SCAMP3: variants seen among roughly 807,000 people sequenced by gnomAD.
SCAMP3 encodes secretory carrier membrane protein 3, also known as secretory carrier-associated membrane protein 3.
A neutral mutation model predicts 44.1 loss-of-function variants in SCAMP3; 30 were observed. That is an observed-to-expected ratio of 0.68 (90% CI 0.51 to 0.92). The LOEUF (loss-of-function observed/expected upper bound fraction) is 0.92, where lower values mean the gene tolerates loss of function less well. SCAMP3 is among the 40% of genes least tolerant of loss of function. The pLI is 0.00. For synonymous variants in SCAMP3, 168 were observed against 171.1 expected (o/e 0.98, Z 0.14); for missense variants, 394 against 440.0 (o/e 0.90, Z 0.93).
intron 1 of SCAMP3, 34 bp from the exon 2 acceptor site, chr1:155,261,768 C>T: frequency 6.3e-7 from 1 of 1,593,318 alleles, no homozygotes; most frequent in Non-Finnish European, 8.6e-7. Flanking sequence ...AGCTGGCACC[C>T]AGTGCCACCT....
chr1:155,261,052 C>A (rs1242120838), intron 2 of SCAMP3, among the ~76,000 whole-genome samples: 2 of 152,020 alleles, frequency 1.3e-5, no homozygotes, highest in African/African-American at 4.8e-5. Flanking sequence ...CCCAGCCTCC[C>A]AAGTAGCAAG....
Position 155,262,186 on chromosome 1 carries a change from C to A in SCAMP3, c.-35G>T. 1 of 1,600,738 alleles carries A rather than the reference C, an allele frequency of 6.2e-7. No homozygotes were observed. The highest frequency in any genetic ancestry group is 8.5e-7 in the Non-Finnish European group (1 of 1,171,844). ...TGCGGCCTCCGCGGCCCTCTGCCCT[C>A]CACGCCCCTGCCGCAGCAGTGGCGG... On this transcript the variant is annotated 5_prime_UTR_variant, in exon 1 of 9. Coordinates refer to ENST00000302631, the MANE Select transcript of SCAMP3 (RefSeq NM_005698.4).
At chr1:155,261,858 A>C in intron 1 of SCAMP3, 124 bp from the exon 2 acceptor site, 9 of 933,604 alleles carry the variant, frequency 9.6e-6, no homozygotes, top group Non-Finnish European at 1.4e-5. Context: ...TTGTCCCAGG[A>C]CTGGGACAAC....
At chr1:155,257,905 C>T (rs1333062824) in intron 5 of SCAMP3, among the ~76,000 whole-genome samples, 1 of 152,090 alleles carries the variant, frequency 6.6e-6, no homozygotes, top group African/African-American at 2.4e-5. Flanking sequence ...AGTGCAGTGG[C>T]GCAATCTCAG....
chr1:155,259,041 C>A, intron 4 of SCAMP3, 87 bp from the exon 5 acceptor site: 4 of 998,666 alleles, frequency 4.0e-6, no homozygotes, highest in Non-Finnish European at 5.6e-6. Flanking sequence ...ATCCCTGGAT[C>A]CTCTCTTTTT....
In SCAMP3 at chr1:155,256,251, G is replaced by A. The variant is rs1238353859; in HGVS notation, c.*22C>T. The A allele has an allele frequency of 1.7e-5, 26 of 1,542,364 alleles. No homozygotes were observed. Among genetic ancestry groups the A allele is most frequent in the Non-Finnish European group, 2.3e-5 (26 of 1,141,494 alleles). On this transcript the variant is annotated 3_prime_UTR_variant, in exon 9 of 9. Coordinates refer to ENST00000302631, the MANE Select transcript of SCAMP3 (RefSeq NM_005698.4). ...TAAGTCAGCTCCCTCAAGTAGCAGG[G>A]CCAGGGCATCCCAGTCAGGGGTCAC...
intron 7 of SCAMP3, 32 bp from the exon 8 acceptor site, chr1:155,256,823 G>A: frequency 1.3e-6 from 2 of 1,554,404 alleles, no homozygotes; most frequent in South Asian, 1.1e-5. Flanking sequence ...AGTGAAGAGG[G>A]GCTCCTCAGC....
rs1672781939 is a variant in SCAMP3 at position 155,256,084 on chromosome 1, G to C, written c.*189C>G. The C allele has an allele frequency of 2.1e-6, 1 of 480,324 alleles. No homozygotes were observed. 29.8% of individuals were successfully genotyped at this position (480,324 alleles called of 1,614,324 possible). ...GCGTGTGAGAGGTGGCAGCAGTGTG[G>C]CCTGATGGGGGGACTAGGTCACAGT... On this transcript the variant is annotated 3_prime_UTR_variant, in exon 9 of 9. Coordinates refer to ENST00000302631, the MANE Select transcript of SCAMP3 (RefSeq NM_005698.4).
chr1:155,256,872 C>T (rs1326827668), intron 7 of SCAMP3, 81 bp from the exon 8 acceptor site: 18 of 1,108,486 alleles, frequency 1.6e-5, no homozygotes, highest in Non-Finnish European at 2.3e-5. Context: ...CCTGTTCCTA[C>T]CCTTCCCATC....
chr1:155,260,246 C>T (rs771029158), intron 4 of SCAMP3, 84 bp downstream of exon 4: 3 of 1,546,364 alleles, frequency 1.9e-6, no homozygotes, highest in Non-Finnish European at 2.6e-6. Flanking sequence ...GTGTGAGCCA[C>T]CGCACCCAGC....
In SCAMP3 at chr1:155,256,249, G is replaced by A. The variant is rs1672787037; in HGVS notation, c.*24C>T. On this transcript the variant is annotated 3_prime_UTR_variant, in exon 9 of 9. Transcript: ENST00000302631. ...GCTAAGTCAGCTCCCTCAAGTAGCA[G>A]GGCCAGGGCATCCCAGTCAGGGGTC... is the stretch of plus-strand genomic sequence containing the variant. 1 of 1,534,730 alleles carries A rather than the reference G, an allele frequency of 6.5e-7. No homozygotes were observed.
chr1:155,261,004 C>G (rs1307422396), intron 2 of SCAMP3, among the ~76,000 whole-genome samples: 1 of 151,636 alleles, frequency 6.6e-6, no homozygotes. Flanking sequence ...CATCACTCAT[C>G]GAAGCCTCAA....
At position 155,256,298 on chromosome 1, in the gene SCAMP3, G is replaced by C. The variant is rs1220452337; in HGVS notation, c.1019C>G (p.Ala340Gly). Reference protein sequence around the residue: ...TAAANAAAGAAENAFRAP With the variant: ...TAAANAAAGAGENAFRAP Reference sequence around the variant, plus strand: ...TCACGGGGCCCGGAAGGCATTTTCAGCAGCCCCAGCGGCTGCATTGGCAGC... The same window carrying C: ...TCACGGGGCCCGGAAGGCATTTTCACCAGCCCCAGCGGCTGCATTGGCAGC... The change falls in exon 9 of 9, where the codon GCT becomes GGT. Residue 340 changes from alanine to glycine, a missense_variant. Physicochemically the swap from Ala to Gly is moderately conservative, Grantham distance 60. Transcript: ENST00000302631. 2 of 1,585,262 alleles carry C rather than the reference G, an allele frequency of 1.3e-6. No homozygotes were observed.
chr1:155,256,309 G>C lies in SCAMP3; in HGVS notation c.1008C>G (p.Ala336=). The change falls in exon 9 of 9, where the codon GCC becomes GCG. Residue 336 remains alanine, a synonymous_variant. Transcript: ENST00000302631. Reference sequence around the variant, plus strand: ...GGAAGGCATTTTCAGCAGCCCCAGCGGCTGCATTGGCAGCTGCGGTTCGCA... The same window carrying C: ...GGAAGGCATTTTCAGCAGCCCCAGCCGCTGCATTGGCAGCTGCGGTTCGCA... ...PAVRTAAANA[A]AGAAENAFRA... is the part of the protein sequence containing the mutation. 3 of 1,596,498 alleles carry C rather than the reference G, an allele frequency of 1.9e-6. No homozygotes were observed. The highest frequency in any genetic ancestry group is 1.9e-4 in the Middle Eastern group (1 of 5,382).
At chr1:155,262,042 G>C (rs769358681) in intron 1 of SCAMP3, 44 bp downstream of exon 1, 1 of 1,583,918 alleles carries the variant, frequency 6.3e-7, no homozygotes, top group East Asian at 2.2e-5. Context: ...GAACCGGGAA[G>C]AATCAACCTG....
intron 4 of SCAMP3, among the ~76,000 whole-genome samples, chr1:155,260,096 T>C (rs888712994): frequency 1.3e-5 from 2 of 151,892 alleles, no homozygotes; most frequent in African/African-American, 4.8e-5. Context: ...GGACTACAGG[T>C]GCGCGCCACC....
chr1:155,262,001 A>ATTTGTG, intron 1 of SCAMP3, 85 bp downstream of exon 1: 1 of 1,360,354 alleles, frequency 7.4e-7, no homozygotes, highest in Non-Finnish European at 1.0e-6. Flanking sequence ...CAAATGTCAC[A>ATTTGTG]AATGGGGATA....
chr1:155,257,165 T>C, intron 7 of SCAMP3, 120 bp downstream of exon 7: 1 of 689,488 alleles, frequency 1.5e-6, no homozygotes, highest in Non-Finnish European at 2.5e-6. Context: ...TGTATCTCAT[T>C]AAACTAGTAC....
Position 155,260,676 on chromosome 1 carries a change from C to T in SCAMP3, c.145-17G>A. On this transcript the variant is annotated splice_polypyrimidine_tract_variant and intron_variant, in intron 2 of 8. Transcript: ENST00000302631. ...TGGTGGTGGCTGTTGAGGAAAAGACCTTAGTGATCATCTAGTCCCTCATAA... is the reference window on the plus strand; with the variant it reads ...TGGTGGTGGCTGTTGAGGAAAAGACTTTAGTGATCATCTAGTCCCTCATAA... 9 of 1,594,466 alleles carry T rather than the reference C, an allele frequency of 5.6e-6. No homozygotes were observed. Among genetic ancestry groups the T allele is most frequent in the Non-Finnish European group, 7.7e-6 (9 of 1,170,860 alleles).
Sources: allele counts gnomAD v4.1 joint callset (sites outside exome capture counted in the v4.1 genomes callset), GRCh38; gene constraint gnomAD v4.1.1; transcripts MANE v1.5; gene names NCBI Gene and HGNC (gene_info 2026-07-23, HGNC 2026-07-21).